LRP6: variants seen among roughly 807,000 people sequenced by gnomAD.
LRP6 encodes LDL receptor related protein 6.
LRP6 carries 43 observed loss-of-function variants against 184.1 expected under a neutral mutation model. The observed-to-expected ratio is 0.23, with a 90% confidence interval of 0.18 to 0.30. The LOEUF (loss-of-function observed/expected upper bound fraction) is 0.30. LRP6 is among the 10% of genes least tolerant of loss of function. The pLI, the probability that LRP6 is intolerant of heterozygous loss-of-function variation, is 1.00. For missense variants in LRP6, 1,571 were observed against 2,005.3 expected, an observed-to-expected ratio of 0.78 and a Z score of 4.14; for synonymous variants, 719 against 684.9, an observed-to-expected ratio of 1.05 and a Z score of -0.78.
intron 4 of LRP6, among the ~76,000 whole-genome samples, chr12:12,184,602 G>A (rs1863424771): frequency 1.3e-5 from 2 of 152,136 alleles, no homozygotes. Flanking sequence ...TAAAACTTTG[G>A]GGGCTATAAA....
At chr12:12,224,722 T>C (rs1266225312) in intron 2 of LRP6, among the ~76,000 whole-genome samples, 3 of 152,196 alleles carry the variant, frequency 2.0e-5, no homozygotes, top group African/African-American at 7.2e-5. Flanking sequence ...AGTCTCACTA[T>C]AAGGATTTTT....
chr12:12,262,400 A>G (rs1010031788), intron 1 of LRP6, among the ~76,000 whole-genome samples: 1 of 151,952 alleles, frequency 6.6e-6, no homozygotes, highest in African/African-American at 2.4e-5. Context: ...AAATACAAAA[A>G]TACAAAAATA....
intron 2 of LRP6, among the ~76,000 whole-genome samples, chr12:12,224,133 C>T (rs1360183799): frequency 1.3e-5 from 2 of 152,266 alleles, no homozygotes; most frequent in East Asian, 3.9e-4. Context: ...CAATTAGATT[C>T]TTCTGTCTCA....
intron 12 of LRP6, among the ~76,000 whole-genome samples, chr12:12,152,348 G>A (rs534143669): frequency 3.5e-4 from 53 of 152,198 alleles, no homozygotes; most frequent in Admixed American, 9.2e-4. Flanking sequence ...ATGCAGTGGT[G>A]CGATCTCGGC....
At chr12:12,261,381 C>T (rs1565733326) in intron 1 of LRP6, among the ~76,000 whole-genome samples, 1 of 145,076 alleles carries the variant, frequency 6.9e-6, no homozygotes, top group South Asian at 2.2e-4. Flanking sequence ...CCAGCCTGGG[C>T]GACAGAGCAA....
chr12:12,222,137 A>C (rs966018294), intron 2 of LRP6, among the ~76,000 whole-genome samples: 2 of 152,254 alleles, frequency 1.3e-5, no homozygotes, highest in Non-Finnish European at 2.9e-5. Flanking sequence ...CTTAAATTTT[A>C]CTAAGCAGTA....
At chr12:12,198,110 G>C (rs1201732728) in intron 3 of LRP6, among the ~76,000 whole-genome samples, 1 of 152,198 alleles carries the variant, frequency 6.6e-6, no homozygotes, top group Admixed American at 6.5e-5. Flanking sequence ...GTAGAGGCAG[G>C]GTTTCACCAT....
At chr12:12,218,312 C>CA (rs904268205) in intron 2 of LRP6, among the ~76,000 whole-genome samples, 1 of 151,614 alleles carries the variant, frequency 6.6e-6, no homozygotes, top group Non-Finnish European at 1.5e-5. Flanking sequence ...CCATCTTTAC[C>CA]AAAAAAATTT....
rs1186754894 is a variant in LRP6, at chr12:12,266,001, G to T, written c.55+680C>A. The stretch of plus-strand genomic sequence containing the variant: ...CCTACTTAGTGCCAACTGTACACTT[G>T]CATACTCCGAAAATAGGGGCAAGCC... On this transcript the variant is annotated intron_variant, in intron 1 of 22. Transcript: ENST00000261349. Among the ~76,000 whole-genome samples, 3 of 152,100 alleles carry T rather than the reference G, an allele frequency of 2.0e-5. No homozygotes were observed. In the East Asian group the frequency reaches 5.8e-4, roughly 29 times the overall value.
At chr12:12,156,457 G>C (rs1862582217) in intron 12 of LRP6, among the ~76,000 whole-genome samples, 1 of 152,208 alleles carries the variant, frequency 6.6e-6, no homozygotes, top group African/African-American at 2.4e-5. Context: ...AAGGGGTTAT[G>C]AAATGTGGGG....
In LRP6 at chr12:12,140,265, G is replaced by A. The variant is rs140383428; in HGVS notation, c.3398-1731C>T. On this transcript the variant is annotated intron_variant, in intron 15 of 22. Coordinates refer to ENST00000261349, the MANE Select transcript of LRP6 (RefSeq NM_002336.3). ...GGCAGAGCATTTGGAGAACAAAAAA[G>A]AGCCCTTGGAAATTAAAAACATGAT... 1.2e-3 allele frequency among the ~76,000 whole-genome samples: 183 copies of A among 150,864 alleles called. 1 individual carries two copies. The highest frequency in any genetic ancestry group is 4.1e-3 in the African/African-American group (169 of 41,232).
chr12:12,241,326 C>G (rs780295104), intron 2 of LRP6, among the ~76,000 whole-genome samples: 23 of 152,174 alleles, frequency 1.5e-4, no homozygotes, highest in Non-Finnish European at 2.6e-4. Flanking sequence ...GAAATCATCT[C>G]TTCTGTTTGA....
chr12:12,168,085 T>C (rs754918320), intron 7 of LRP6, among the ~76,000 whole-genome samples: 20 of 152,036 alleles, frequency 1.3e-4, no homozygotes, highest in Non-Finnish European at 2.5e-4. Context: ...TTCATATGAG[T>C]ACACTTTTGC....
In LRP6 at chr12:12,258,987, G is replaced by C. The variant is rs562677672; in HGVS notation, c.55+7694C>G. 1.3e-4 allele frequency among the ~76,000 whole-genome samples: 20 copies of C among 152,288 alleles called. No homozygotes were observed. In the South Asian group the frequency reaches 3.9e-3, roughly 30 times the overall value. On this transcript the variant is annotated intron_variant, in intron 1 of 22. Transcript: ENST00000261349. ...GGGAAAAAAAAAATGACAGCTGTGTGCAGCAGGCTCACGCCTGTAAGCCCA... is the reference window on the plus strand; with the variant it reads ...GGGAAAAAAAAAATGACAGCTGTGTCCAGCAGGCTCACGCCTGTAAGCCCA...
At chr12:12,192,944 C>G (rs1565627601) in intron 3 of LRP6, among the ~76,000 whole-genome samples, 1 of 151,972 alleles carries the variant, frequency 6.6e-6, no homozygotes, top group Non-Finnish European at 1.5e-5. Context: ...TTCACGTACA[C>G]GTGGAACTTT....
chr12:12,251,989 G>A (rs1376661351), intron 1 of LRP6, among the ~76,000 whole-genome samples: 5 of 151,998 alleles, frequency 3.3e-5, no homozygotes, highest in Admixed American at 6.6e-5. Flanking sequence ...AAACTCCTGG[G>A]CTCAAACGAT....
chr12:12,196,040 TC>T (rs1863748208), intron 3 of LRP6, among the ~76,000 whole-genome samples: 1 of 152,318 alleles, frequency 6.6e-6, no homozygotes, highest in African/African-American at 2.4e-5. Context: ...TTCTGTTCCA[TC>T]GGTGTATGTT....
chr12:12,202,553 GTAAA>G (rs1020825363), intron 3 of LRP6, among the ~76,000 whole-genome samples: 5 of 152,060 alleles, frequency 3.3e-5, no homozygotes, highest in Non-Finnish European at 7.4e-5. Context: ...AAATAAATAC[GTAAA>G]TAAATAAATA....
chr12:12,132,499 T>C (rs1793295130), intron 17 of LRP6, among the ~76,000 whole-genome samples: 1 of 152,192 alleles, frequency 6.6e-6, no homozygotes, highest in African/African-American at 2.4e-5. Flanking sequence ...AAAAACTATT[T>C]TTATAATAAC....
Sources: allele counts gnomAD v4.1 joint callset (sites outside exome capture counted in the v4.1 genomes callset), GRCh38; gene constraint gnomAD v4.1.1; transcripts MANE v1.5; gene names NCBI Gene and HGNC (gene_info 2026-07-23, HGNC 2026-07-21).